MIGA2: variants seen among roughly 807,000 people sequenced by gnomAD.
MIGA2 encodes the protein mitoguardin 2, also known as family with sequence similarity 73, member B.
MIGA2 carries 36 observed loss-of-function variants against 69.9 expected under a neutral mutation model. That is an observed-to-expected ratio of 0.52 (90% CI 0.39 to 0.68). The LOEUF (loss-of-function observed/expected upper bound fraction) is 0.68. Ranked by LOEUF, MIGA2 falls within the 30% of genes least tolerant of loss-of-function variation. The probability of loss-of-function intolerance (pLI) is 0.00; values close to 1 mark genes in which losing one functional copy is unlikely to be tolerated. For synonymous variants in MIGA2, 333 were observed against 349.2 expected (o/e 0.95, Z 0.52); for missense variants, 660 against 787.7 (o/e 0.84, Z 1.94).
intron 3 of MIGA2, 95 bp downstream of exon 3, chr9:129,042,609 G>A: frequency 7.8e-7 from 1 of 1,283,130 alleles, no homozygotes; most frequent in South Asian, 1.4e-5. Context: ...TATTGGGCCA[G>A]TGTCTTCCTG....
In MIGA2 at chr9:129,061,207, C is replaced by A; in HGVS notation, c.895-24C>A. On this transcript the variant is annotated intron_variant, in intron 8 of 15. Coordinates refer to ENST00000684074, the MANE Select transcript of MIGA2 (RefSeq NM_001329990.2). This position sits in a 1 kb window ranked among gnomAD's most constrained non-coding sequence, Gnocchi z 5.0. ...TGCTGCTCACATGGGCTTCCCTGGT[C>A]TCTTCCTCTGCACCCTCTCCCAGCT... 1 of 1,594,236 alleles carries A rather than the reference C, an allele frequency of 6.3e-7. No homozygotes were observed. Among genetic ancestry groups the A allele is most frequent in the South Asian group, 1.1e-5 (1 of 88,904 alleles).
chr9:129,069,408 A>G lies in MIGA2; in HGVS notation c.1458+279A>G. On this transcript the variant is annotated intron_variant, in intron 14 of 15. Coordinates refer to ENST00000684074, the MANE Select transcript of MIGA2 (RefSeq NM_001329990.2). This position sits in a 1 kb window ranked among gnomAD's most constrained non-coding sequence, Gnocchi z 4.9. ...ACAGGGCTGGCAGCTGGCCTGGTGC[A>G]GGCGTCTCGGTGGGGGCAGGATACC... The G allele has an allele frequency of 1.8e-6, 1 of 555,628 alleles. No homozygotes were observed. The highest frequency in any genetic ancestry group is 3.2e-6 in the Non-Finnish European group (1 of 309,920). The allele number at this position is 555,628 out of a possible 1,614,324, so 34.4% of individuals were successfully genotyped here.
chr9:129,064,331 C>T (rs546023306), intron 11 of MIGA2, among the ~76,000 whole-genome samples: 5 of 151,922 alleles, frequency 3.3e-5, no homozygotes, highest in East Asian at 1.9e-4. Flanking sequence ...CTCAGCCTCC[C>T]GAGTAGCTGG....
chr9:129,069,098 C>G lies in MIGA2; in HGVS notation c.1427C>G (p.Ser476Trp). ...TAGGCCTTGGCCACTGCTTGCTGGT[C>G]GGTCCTGAAAGCCAAGAGGAGGCTG... ...KETALATACW[S>W]VLKAKRRLLM... Residue 476 changes from serine to tryptophan, a missense_variant, in exon 14 of 16, where the codon TCG becomes TGG. Ser to Trp is a radical substitution (Grantham distance 177, BLOSUM62 -3). Around this residue, in one of 3 missense-constraint regions of MIGA2, gnomAD observed 220 missense variants for 301.7 expected, o/e 0.73. Transcript: ENST00000684074. This position sits in a 1 kb window ranked among gnomAD's most constrained non-coding sequence, Gnocchi z 4.9. The G allele has an allele frequency of 1.9e-6, 3 of 1,613,962 alleles. No individual in the cohort carries two copies. Among genetic ancestry groups the G allele is most frequent in the South Asian group, 1.1e-5 (1 of 91,068 alleles).
Position 129,068,428 on chromosome 9 carries a change from G to C in MIGA2, c.1404+96G>C, listed in dbSNP as rs961206751. 2 of 1,524,752 alleles carry C rather than the reference G, an allele frequency of 1.3e-6. No individual in the cohort carries two copies. Among genetic ancestry groups the C allele is most frequent in the Non-Finnish European group, 1.8e-6 (2 of 1,130,442 alleles). 94.5% of individuals were successfully genotyped at this position (1,524,752 alleles called of 1,614,324 possible). ...CTCTGTCCCTAGCACTGGCACCAGGGCTGGGCCCCCACCCCCTAGATCCGC... is the reference window on the plus strand; with the variant it reads ...CTCTGTCCCTAGCACTGGCACCAGGCCTGGGCCCCCACCCCCTAGATCCGC... On this transcript the variant is annotated intron_variant, in intron 13 of 15. Coordinates refer to ENST00000684074, the MANE Select transcript of MIGA2 (RefSeq NM_001329990.2). The surrounding 1 kb of genome is among the most constrained non-coding windows in gnomAD (Gnocchi z 4.1).
chr9:129,040,326 C>G (rs970331494), intron 1 of MIGA2, 126 bp from the exon 2 acceptor site: 20 of 558,918 alleles, frequency 3.6e-5, no homozygotes, highest in African/African-American at 3.4e-4. Context: ...GGGCCTGATT[C>G]CAGGCCTGGG....
At chr9:129,053,614 G>A (rs945025103) in intron 6 of MIGA2, among the ~76,000 whole-genome samples, 2 of 152,048 alleles carry the variant, frequency 1.3e-5, no homozygotes, top group Non-Finnish European at 2.9e-5. Flanking sequence ...TGATCCGCCC[G>A]CCTCGGCCTC....
intron 6 of MIGA2, among the ~76,000 whole-genome samples, chr9:129,055,848 GA>G (rs561485747): frequency 2.2e-3 from 293 of 135,372 alleles, no homozygotes; most frequent in Middle Eastern, 3.9e-3. Flanking sequence ...GACTCCATCT[GA>G]AAAAAAAAAA....
At position 129,060,473 on chromosome 9, in the gene MIGA2, G is replaced by T. The variant is rs1191048375; in HGVS notation, c.794-77G>T. On this transcript the variant is annotated intron_variant, in intron 7 of 15. Coordinates refer to ENST00000684074, the MANE Select transcript of MIGA2 (RefSeq NM_001329990.2). The surrounding 1 kb of genome is among the most constrained non-coding windows in gnomAD (Gnocchi z 4.8). ...TGAAGCCTCCCCTGGGCCTGATGGG[G>T]GACTTCGTGTACCGGGATTCCAGCT... The T allele has an allele frequency of 2.2e-5, 27 of 1,208,346 alleles. No individual in the cohort carries two copies. The highest frequency in any genetic ancestry group is 1.9e-4 in the Middle Eastern group (1 of 5,200). The allele number at this position is 1,208,346 out of a possible 1,614,324, so 74.9% of individuals were successfully genotyped here.
In MIGA2 at chr9:129,048,170, G is replaced by T. The variant is rs147538602; in HGVS notation, c.308-257G>T. 3.9e-3 allele frequency among the ~76,000 whole-genome samples: 592 copies of T among 152,352 alleles called. 5 individuals are homozygous for T. The highest frequency in any genetic ancestry group is 0.014 in the African/African-American group (567 of 41,586). ...GACCTCATTCTTGGCTTATCTGGCA[G>T]ATCGGGACTCCTCTCCTCGGCCTGG... On this transcript the variant is annotated intron_variant, in intron 3 of 15. Transcript: ENST00000684074.
At chr9:129,043,078 C>G (rs1291960687) in intron 3 of MIGA2, among the ~76,000 whole-genome samples, 2 of 151,830 alleles carry the variant, frequency 1.3e-5, no homozygotes, top group Non-Finnish European at 2.9e-5. Context: ...CCTGTAATCC[C>G]AGCTACTCAG....
rs7044267 is a variant in MIGA2 at position 129,050,945 on chromosome 9, C to T, written c.675+982C>T. ...CTGGAGTGCAATGGTGCGATCTTGGCTCACTGCAACCTCCGCCTCCCGGGT... is the reference window on the plus strand; with the variant it reads ...CTGGAGTGCAATGGTGCGATCTTGGTTCACTGCAACCTCCGCCTCCCGGGT... On this transcript the variant is annotated intron_variant, in intron 6 of 15. Transcript: ENST00000684074. Among the ~76,000 whole-genome samples, 1,515 of 151,826 alleles carry T rather than the reference C, an allele frequency of 1.0e-2. 22 individuals are homozygous for T. The highest frequency in any genetic ancestry group is 0.035 in the African/African-American group (1,430 of 41,346).
At chr9:129,051,974 T>C (rs1330025947) in intron 6 of MIGA2, among the ~76,000 whole-genome samples, 4 of 151,974 alleles carry the variant, frequency 2.6e-5, no homozygotes, top group South Asian at 2.1e-4. Context: ...TACAGGTGCC[T>C]ACCACCACGC....
intron 6 of MIGA2, among the ~76,000 whole-genome samples, chr9:129,057,362 C>T (rs947051524): frequency 2.0e-5 from 3 of 149,278 alleles, no homozygotes; most frequent in African/African-American, 2.5e-5. Flanking sequence ...CTCTCGATCT[C>T]GGCTCACTGC....
chr9:129,049,356 T>G (rs759148720), intron 4 of MIGA2, 25 bp from the exon 5 acceptor site: 1 of 1,610,298 alleles, frequency 6.2e-7, no homozygotes, highest in Non-Finnish European at 8.5e-7. Context: ...CTTCACTCTT[T>G]CTTCTTGCAC....
At chr9:129,048,148 C>T (rs377653235) in intron 3 of MIGA2, among the ~76,000 whole-genome samples, 65 of 152,356 alleles carry the variant, frequency 4.3e-4, no homozygotes, top group African/African-American at 1.5e-3. Context: ...GCAGATGGAC[C>T]TCATTCTTGG....
chr9:129,046,014 C>T (rs912778045), intron 3 of MIGA2, among the ~76,000 whole-genome samples: 3 of 151,910 alleles, frequency 2.0e-5, no homozygotes, highest in African/African-American at 7.3e-5. Context: ...CCACCACGCC[C>T]AGCTAATTTT....
chr9:129,067,016 G>A (rs1588416173), intron 11 of MIGA2, among the ~76,000 whole-genome samples: 1 of 141,476 alleles, frequency 7.1e-6, no homozygotes, highest in African/African-American at 2.7e-5. Context: ...GGCACTTGTA[G>A]TCCCAGCTAC....
chr9:129,063,530 T>G lies in MIGA2; in HGVS notation c.1084-15T>G. 6.2e-7 allele frequency: 1 copy of G among 1,613,496 alleles called. No individual in the cohort carries two copies. Among genetic ancestry groups the G allele is most frequent in the Non-Finnish European group, 8.5e-7 (1 of 1,179,612 alleles). ...GTGCCCGGCAGCTCACTCCCCTCCC[T>G]TCCTCCTTCCCTAGGGGCTTCTGGA... On this transcript the variant is annotated splice_polypyrimidine_tract_variant and intron_variant, in intron 10 of 15. Transcript: ENST00000684074.
Sources: gnomAD v4.1 joint callset for allele counts (sites outside exome capture counted in the v4.1 genomes callset) on GRCh38, gnomAD v4.1.1 for gene constraint, gnomAD v4.1.1 regional missense constraint, Gnocchi (gnomAD v3.1) non-coding constraint, MANE v1.5 for transcripts, NCBI Gene and HGNC (gene_info 2026-07-23, HGNC 2026-07-21) for gene names.